BRD2: variants seen among roughly 807,000 people sequenced by gnomAD.
The protein encoded by BRD2 is bromodomain-containing protein 2.
In BRD2, 15 loss-of-function variants were observed where a neutral mutation model predicts 79.1. The observed-to-expected ratio is 0.19, with a 90% confidence interval of 0.13 to 0.29. The LOEUF is 0.29. Among genes scored for constraint, BRD2 ranks in the 10% least tolerant of loss-of-function variants. The pLI is 1.00. For synonymous variants in BRD2, 488 were observed against 358.6 expected (o/e 1.36, Z -4.08); for missense variants, 1,053 against 991.3 (o/e 1.06, Z -0.84).
Position 32,972,094 on chromosome 6 carries a change from G to C in BRD2, c.-805G>C, listed in dbSNP as rs1336012228. 1.4e-6 allele frequency: 1 copy of C among 693,902 alleles called. No homozygotes were observed. The highest frequency in any genetic ancestry group is 2.0e-5 in the Admixed American group (1 of 48,852). The allele number at this position is 693,902 out of a possible 1,614,324, so 43.0% of individuals were successfully genotyped here. On this transcript the variant is annotated 5_prime_UTR_variant, in exon 2 of 13. Coordinates refer to ENST00000374825, the MANE Select transcript of BRD2 (RefSeq NM_005104.4). ...TCTTCACCCGCGTGAGCGAGCGCGC[G>C]CGCGCGGAGGGGGTGGGGAAAAGCT...
At position 32,978,450 on chromosome 6, in the gene BRD2, C is replaced by G. The variant is rs555839521; in HGVS notation, c.1841+62C>G. On this transcript the variant is annotated intron_variant, in intron 10 of 12. Transcript: ENST00000374825. Reference sequence around the variant, plus strand: ...TTTCTGTCTCTCTGGGGGATGCCATCTCTCTTTGCAAAGATAATTCTAAAT... The same window carrying G: ...TTTCTGTCTCTCTGGGGGATGCCATGTCTCTTTGCAAAGATAATTCTAAAT... The G allele has an allele frequency of 7.7e-6, 12 of 1,567,226 alleles. No individual in the cohort carries two copies. In the African/African-American group the frequency reaches 1.1e-4, roughly 14 times the overall value.
intron 7 of BRD2, 38 bp from the exon 8 acceptor site, chr6:32,977,403 TC>T (rs1198379840): frequency 4.3e-6 from 7 of 1,613,408 alleles, no homozygotes; most frequent in South Asian, 1.1e-5. Flanking sequence ...AGGTGAGTCT[TC>T]CTGCCTGTGC....
chr6:32,977,778 G>A lies in BRD2; in HGVS notation c.1351G>A (p.Ala451Thr). 4 of 1,613,078 alleles carry A rather than the reference G, an allele frequency of 2.5e-6. No homozygotes were observed. Among genetic ancestry groups the A allele is most frequent in the Non-Finnish European group, 3.4e-6 (4 of 1,180,030 alleles). ...GTAGGATGTATTTGAGTTCCGTTAT[G>A]CCAAGATGCCAGATGAACCACTAGA... ...KLQDVFEFRY[A>T]KMPDEPLEPG... The change falls in exon 9 of 13, where the codon GCC becomes ACC. Residue 451 changes from alanine (A) to threonine (T), a missense_variant. Transcript: ENST00000374825.
chr6:32,977,747 C>T lies in BRD2; in HGVS notation c.1330-10C>T, dbSNP rs760842460. 5.0e-6 allele frequency: 8 copies of T among 1,612,634 alleles called. No homozygotes were observed. In the Admixed American group the frequency reaches 5.0e-5, roughly 10 times the overall value. ...TATCAGCATAGTTTTGAGTTTGTGC[C>T]TCTTTGTAGGATGTATTTGAGTTCC... On this transcript the variant is annotated splice_polypyrimidine_tract_variant and intron_variant, in intron 8 of 12. Coordinates refer to ENST00000374825, the MANE Select transcript of BRD2 (RefSeq NM_005104.4).
At position 32,971,835 on chromosome 6, in the gene BRD2, C is replaced by G; in HGVS notation, c.-1064C>G. 2 of 684,204 alleles carry G rather than the reference C, an allele frequency of 2.9e-6. No homozygotes were observed. Among genetic ancestry groups the G allele is most frequent in the Non-Finnish European group, 5.3e-6 (2 of 376,002 alleles). 42.4% of individuals were successfully genotyped at this position (684,204 alleles called of 1,614,324 possible). On this transcript the variant is annotated 5_prime_UTR_variant, in exon 2 of 13. Coordinates refer to ENST00000374825, the MANE Select transcript of BRD2 (RefSeq NM_005104.4). ...AGGCGGGGAGAGAGTGCTGGAGGCT[C>G]TGGGGCGATGGCTTCCGCACCTCTT...
intron 10 of BRD2, 75 bp downstream of exon 10, chr6:32,978,463 G>A: frequency 6.5e-7 from 1 of 1,549,768 alleles, no homozygotes; most frequent in South Asian, 1.2e-5. Flanking sequence ...TCTTTGCAAA[G>A]ATAATTCTAA....
At chr6:32,978,095 C>G (rs765122631) in intron 9 of BRD2, 31 bp from the exon 10 acceptor site, 7 of 1,589,274 alleles carry the variant, frequency 4.4e-6, no homozygotes, top group South Asian at 1.1e-5. Context: ...TCTTTATTTA[C>G]TTTTTCCACT....
chr6:32,977,949 G>C lies in BRD2; in HGVS notation c.1522G>C (p.Glu508Gln). 1 of 1,612,472 alleles carries C rather than the reference G, an allele frequency of 6.2e-7. No homozygotes were observed. Among genetic ancestry groups the C allele is most frequent in the Non-Finnish European group, 8.5e-7 (1 of 1,180,036 alleles). Residue 508 changes from glutamate (E) to glutamine (Q), a missense_variant, in exon 9 of 13, where the codon GAA becomes CAA. By Grantham distance (29) the Glu-to-Gln change is conservative. This residue lies in a region of BRD2 where 454 missense variants were observed against 430.5 expected (regional missense o/e 1.05). Coordinates refer to ENST00000374825, the MANE Select transcript of BRD2 (RefSeq NM_005104.4). Reference sequence around the variant, plus strand: ...GGAGGACGAGGAGGAAGAAGAGAGTGAAAGCTCAGACTCAGAGGAAGAAAG... The same window carrying C: ...GGAGGACGAGGAGGAAGAAGAGAGTCAAAGCTCAGACTCAGAGGAAGAAAG... ...DEEDEEEEESESSDSEEERAH... is the reference protein window; with the variant it reads ...DEEDEEEEESQSSDSEEERAH...
At chr6:32,973,110 G>A in intron 2 of BRD2, 183 bp downstream of exon 2, 1 of 1,556,472 alleles carries the variant, frequency 6.4e-7, no homozygotes, top group Non-Finnish European at 8.7e-7. Flanking sequence ...CTCGGCTACT[G>A]CTCGTGGAGG....
At chr6:32,974,948 A>C (rs1298604366) in intron 3 of BRD2, 183 bp downstream of exon 3, 6 of 1,426,876 alleles carry the variant, frequency 4.2e-6, no homozygotes, top group Non-Finnish European at 5.7e-6. Context: ...GCTTGCTGTA[A>C]CTATCTTGGC....
At chr6:32,974,037 C>T (rs965933510) in intron 2 of BRD2, among the ~76,000 whole-genome samples, 9 of 151,988 alleles carry the variant, frequency 5.9e-5, no homozygotes, top group Non-Finnish European at 1.0e-4. Context: ...TGTTCTTTTC[C>T]TCCTTACCGG....
intron 3 of BRD2, chr6:32,975,132 A>G (rs1482060642): frequency 6.7e-7 from 1 of 1,501,184 alleles, no homozygotes; most frequent in Non-Finnish European, 8.9e-7. Context: ...CAGGATGGGA[A>G]GTTTCCAGAG....
chr6:32,974,971 G>C (rs909472518), intron 3 of BRD2: 1 of 1,467,266 alleles, frequency 6.8e-7, no homozygotes, highest in South Asian at 1.2e-5. Flanking sequence ...CTTTCCTTGT[G>C]CCCTCCATGT....
rs934410265 is a variant in BRD2, at chr6:32,975,470, G to A, written c.420G>A (p.Glu140=). 1 of 1,612,794 alleles carries A rather than the reference G, an allele frequency of 6.2e-7. No homozygotes were observed. The highest frequency in any genetic ancestry group is 1.3e-5 in the African/African-American group (1 of 75,028). The change falls in exon 4 of 13, where the codon GAG becomes GAA. Residue 140 remains glutamate, a synonymous_variant. Transcript: ENST00000374825. ...LENNYYWAAS[E]CMQDFNTMFT... is the part of the protein sequence containing the mutation. Reference sequence around the variant, plus strand: ...ACAATTATTATTGGGCTGCTTCAGAGTGTATGCAAGATTTTAATACCATGT... The same window carrying A: ...ACAATTATTATTGGGCTGCTTCAGAATGTATGCAAGATTTTAATACCATGT...
At position 32,978,478 on chromosome 6, in the gene BRD2, C is replaced by T. The variant is rs1435984098; in HGVS notation, c.1841+90C>T. 12 of 1,534,306 alleles carry T rather than the reference C, an allele frequency of 7.8e-6. No homozygotes were observed. In the Admixed American group the frequency reaches 8.4e-5, roughly 11 times the overall value. On this transcript the variant is annotated intron_variant, in intron 10 of 12. Coordinates refer to ENST00000374825, the MANE Select transcript of BRD2 (RefSeq NM_005104.4). ...TCTTTGCAAAGATAATTCTAAATGG[C>T]CAGTTAACAGATACAATAGGCTTTG...
intron 10 of BRD2, chr6:32,979,187 G>A (rs206778): frequency 0.25 from 39,380 of 158,050 alleles, 5,783 homozygotes; most frequent in Non-Finnish European, 0.31. Flanking sequence ...AAGTAGCCAG[G>A]ATTACAGGCA....
Position 32,980,923 on chromosome 6 carries a change from A to G in BRD2, c.*205A>G. On this transcript the variant is annotated 3_prime_UTR_variant, in exon 13 of 13. Transcript: ENST00000374825. ...ATGGACAAAACAACATTGAATTCCC[A>G]GCCCCATTGGGGAGTGATCTCTTGG... is the stretch of plus-strand genomic sequence containing the variant. 1 of 628,292 alleles carries G rather than the reference A, an allele frequency of 1.6e-6. No homozygotes were observed. The highest frequency in any genetic ancestry group is 2.7e-6 in the Non-Finnish European group (1 of 366,534). The allele number at this position is 628,292 out of a possible 1,614,324, so 38.9% of individuals were successfully genotyped here. A position where few individuals can be genotyped will look rare whatever the true frequency, so the allele number is the denominator to read the frequency against.
rs747970226 is a variant in BRD2, at chr6:32,979,052, TTTTTGTTA to T, written c.1841+665_1841+672del. ...TTGGTGTGGTTTTGTGTTTTGTTTT[TTTTTGTTA>T]GTTTGTTTTTTGTTTTGTTTTTTTT... On this transcript the variant is annotated intron_variant, in intron 10 of 12. Coordinates refer to ENST00000374825, the MANE Select transcript of BRD2 (RefSeq NM_005104.4). 209 of 102,778 alleles carry T rather than the reference TTTTTGTTA, an allele frequency of 2.0e-3. 6 individuals are homozygous for T. Among genetic ancestry groups the T allele is most frequent in the Middle Eastern group, 5.0e-3 (1 of 200 alleles). The allele number at this position is 102,778 out of a possible 1,614,324, so 6.4% of individuals were successfully genotyped here. A position where few individuals can be genotyped will look rare whatever the true frequency, so the allele number is the denominator to read the frequency against.
At chr6:32,970,520 A>AG (rs147330063) in intron 1 of BRD2, 9,827 of 152,544 alleles carry the variant, frequency 0.064, 340 homozygotes, top group Middle Eastern at 0.11. Context: ...TTCCGGGGCG[A>AG]GGGGGAATCT....
Sources: gnomAD v4.1 joint callset for allele counts (sites outside exome capture counted in the v4.1 genomes callset) on GRCh38, gnomAD v4.1.1 for gene constraint, gnomAD v4.1.1 regional missense constraint, MANE v1.5 for transcripts, NCBI Gene and HGNC (gene_info 2026-07-23, HGNC 2026-07-21) for gene names.